PDGFD: variants seen among roughly 807,000 people sequenced by gnomAD.
PDGFD encodes platelet-derived growth factor D.
A neutral mutation model predicts 44.7 loss-of-function variants in PDGFD; 30 were observed. The ratio of observed to expected loss-of-function variants is 0.67; its 90% CI spans 0.50 to 0.91. The LOEUF is 0.91. Ranked by LOEUF, PDGFD falls within the 40% of genes least tolerant of loss-of-function variation. PDGFD has a pLI of 0.00. For missense variants in PDGFD, 445 were observed against 457.8 expected, an observed-to-expected ratio of 0.97 and a Z score of 0.25; for synonymous variants, 173 against 168.4, an observed-to-expected ratio of 1.03 and a Z score of -0.21.
chr11:104,084,616 T>TAA (rs1861093848), intron 1 of PDGFD, among the ~76,000 whole-genome samples: 2 of 147,226 alleles, frequency 1.4e-5, no homozygotes, highest in Admixed American at 6.8e-5. Context: ...TATATATATA[T>TAA]AAATATACAT....
At chr11:104,089,589 C>T (rs553221258) in intron 1 of PDGFD, among the ~76,000 whole-genome samples, 3 of 152,054 alleles carry the variant, frequency 2.0e-5, no homozygotes, top group African/African-American at 7.2e-5. Context: ...AACGCTAATA[C>T]AAGAATTATA....
chr11:104,009,745 A>G (rs1325215989), intron 1 of PDGFD, among the ~76,000 whole-genome samples: 1 of 152,156 alleles, frequency 6.6e-6, no homozygotes, highest in African/African-American at 2.4e-5. Flanking sequence ...CCTAACTTAA[A>G]AAGTACAGGG....
At chr11:104,001,822 G>T (rs1859624142) in intron 1 of PDGFD, among the ~76,000 whole-genome samples, 1 of 152,206 alleles carries the variant, frequency 6.6e-6, no homozygotes, top group Non-Finnish European at 1.5e-5. Flanking sequence ...CCACTGTAAG[G>T]TAGGGTTTCT....
Position 103,907,402 on chromosome 11 carries a change from G to A in PDGFD, c.*2292C>T, listed in dbSNP as rs1243963327. 1.3e-5 allele frequency: 2 copies of A among 152,142 alleles called. No individual in the cohort carries two copies. The highest frequency in any genetic ancestry group is 4.8e-5 in the African/African-American group (2 of 41,430). 9.4% of individuals were successfully genotyped at this position (152,142 alleles called of 1,614,324 possible). On this transcript the variant is annotated 3_prime_UTR_variant, in exon 7 of 7. Transcript: ENST00000393158. ...CATGCGGAAATGTGGATTTATTAGG[G>A]TTTGTTTTGAAATGTAATTTGTACG...
intron 1 of PDGFD, among the ~76,000 whole-genome samples, chr11:104,112,321 T>C (rs1249522572): frequency 1.3e-5 from 2 of 152,080 alleles, no homozygotes; most frequent in African/African-American, 2.4e-5. Flanking sequence ...GTTGGTTGCA[T>C]GTATGCCTTC....
At chr11:104,154,062 TA>T (rs1019005266) in intron 1 of PDGFD, among the ~76,000 whole-genome samples, 9 of 152,206 alleles carry the variant, frequency 5.9e-5, no homozygotes, top group Non-Finnish European at 7.3e-5. Flanking sequence ...TTTATAGTGA[TA>T]AATACCCCTT....
At chr11:104,039,833 T>G (rs903415331) in intron 1 of PDGFD, among the ~76,000 whole-genome samples, 76 of 152,100 alleles carry the variant, frequency 5.0e-4, no homozygotes, top group African/African-American at 1.6e-3. Flanking sequence ...AAGGTTCATT[T>G]ATGAAAAAAA....
At chr11:104,112,355 C>T (rs568846978) in intron 1 of PDGFD, among the ~76,000 whole-genome samples, 1 of 151,522 alleles carries the variant, frequency 6.6e-6, no homozygotes, top group South Asian at 2.1e-4. Flanking sequence ...CTATTCATGT[C>T]CTTTGCCCAC....
intron 5 of PDGFD, among the ~76,000 whole-genome samples, chr11:103,928,225 T>C (rs1247722413): frequency 6.6e-6 from 1 of 152,234 alleles, no homozygotes; most frequent in African/African-American, 2.4e-5. Flanking sequence ...AGCCAAATCC[T>C]CTTATTGGTG....
chr11:103,962,051 C>T (rs1373134681), intron 3 of PDGFD, among the ~76,000 whole-genome samples: 2 of 152,082 alleles, frequency 1.3e-5, no homozygotes, highest in Non-Finnish European at 2.9e-5. Context: ...TCCTAGGAAA[C>T]CAACAAGAAA....
intron 1 of PDGFD, among the ~76,000 whole-genome samples, chr11:104,161,650 A>G (rs1862389630): frequency 6.6e-6 from 1 of 152,148 alleles, no homozygotes; most frequent in Non-Finnish European, 1.5e-5. Flanking sequence ...ATCTATTTAT[A>G]TCTGCTAGCC....
At chr11:104,103,643 T>C (rs371409455) in intron 1 of PDGFD, among the ~76,000 whole-genome samples, 2 of 151,872 alleles carry the variant, frequency 1.3e-5, no homozygotes, top group African/African-American at 2.4e-5. Context: ...TCAAATTATA[T>C]TGGAGCTGAA....
chr11:104,002,100 G>C (rs1000254804), intron 1 of PDGFD, among the ~76,000 whole-genome samples: 2 of 152,228 alleles, frequency 1.3e-5, no homozygotes, highest in East Asian at 3.9e-4. Flanking sequence ...CTTCCAACAA[G>C]GACAGCAAGC....
intron 1 of PDGFD, among the ~76,000 whole-genome samples, chr11:104,120,801 T>C (rs1190066521): frequency 6.6e-6 from 1 of 151,926 alleles, no homozygotes; most frequent in Non-Finnish European, 1.5e-5. Flanking sequence ...GTGATTTTTT[T>C]CCCACTATCC....
rs1857949092 is a variant in PDGFD at position 103,907,298 on chromosome 11, C to A, written c.*2396G>T. 1 of 152,068 alleles carries A rather than the reference C, an allele frequency of 6.6e-6. No homozygotes were observed. The highest frequency in any genetic ancestry group is 2.1e-4 in the South Asian group (1 of 4,830). 9.4% of individuals were successfully genotyped at this position (152,068 alleles called of 1,614,324 possible). A position where few individuals can be genotyped will look rare whatever the true frequency, so the allele number is the denominator to read the frequency against. ...TGCATGTTACCGATATGACAAAAAA[C>A]ATAAAAAACTCTACTTATGAAAGTG... On this transcript the variant is annotated 3_prime_UTR_variant, in exon 7 of 7. Transcript: ENST00000393158.
At chr11:103,941,203 T>A (rs1207709938) in intron 5 of PDGFD, among the ~76,000 whole-genome samples, 1 of 152,044 alleles carries the variant, frequency 6.6e-6, no homozygotes, top group African/African-American at 2.4e-5. Context: ...AGTCAATGTA[T>A]CTGGGGTGGG....
intron 3 of PDGFD, among the ~76,000 whole-genome samples, chr11:103,950,024 A>T (rs914671168): frequency 6.6e-6 from 1 of 152,188 alleles, no homozygotes; most frequent in Non-Finnish European, 1.5e-5. Flanking sequence ...TACACTATGT[A>T]CAGATGGAGA....
chr11:104,155,599 T>A (rs950140230), intron 1 of PDGFD, among the ~76,000 whole-genome samples: 1 of 152,232 alleles, frequency 6.6e-6, no homozygotes, highest in African/African-American at 2.4e-5. Context: ...GATGTAATTA[T>A]ATGGAAAGTA....
intron 3 of PDGFD, among the ~76,000 whole-genome samples, chr11:103,971,099 G>C (rs920079261): frequency 6.6e-6 from 1 of 152,070 alleles, no homozygotes; most frequent in African/African-American, 2.4e-5. Context: ...GAATATATGT[G>C]TCATAACTTT....
Sources: allele counts gnomAD v4.1 joint callset (sites outside exome capture counted in the v4.1 genomes callset), GRCh38; gene constraint gnomAD v4.1.1; transcripts MANE v1.5; gene names NCBI Gene and HGNC (gene_info 2026-07-23, HGNC 2026-07-21).